SEC13: variants seen among roughly 807,000 people sequenced by gnomAD.
SEC13 encodes the protein SEC13 homolog, nuclear pore and COPII component.
Under a neutral mutation model 49.2 loss-of-function variants are expected in SEC13, and 25 were observed. The observed-to-expected ratio is 0.51, with a 90% CI of 0.37 to 0.71. The LOEUF is 0.71. Ranked by LOEUF, SEC13 falls within the 30% of genes least tolerant of loss-of-function variation. SEC13 has a pLI of 0.00. For missense variants in SEC13, 383 were observed against 417.6 expected, an observed-to-expected ratio of 0.92 and a Z score of 0.72; for synonymous variants, 148 against 163.9, an observed-to-expected ratio of 0.90 and a Z score of 0.74.
At chr3:10,307,212 CTT>C (rs35883236) in intron 5 of SEC13, among the ~76,000 whole-genome samples, 212 of 141,258 alleles carry the variant, frequency 1.5e-3, no homozygotes, top group Non-Finnish European at 1.4e-3. Context: ...GAGCCACTGC[CTT>C]TTTTTTTTTT....
intron 8 of SEC13, among the ~76,000 whole-genome samples, chr3:10,301,790 TTTTAACAGG>T (rs1458571378): frequency 1.3e-5 from 2 of 152,094 alleles, no homozygotes; most frequent in Admixed American, 1.3e-4. Flanking sequence ...TGGCAATCTG[TTTTAACAGG>T]TTTAACAACA....
chr3:10,306,191 T>C (rs1045196519), intron 5 of SEC13, among the ~76,000 whole-genome samples: 1 of 152,226 alleles, frequency 6.6e-6, no homozygotes, highest in Non-Finnish European at 1.5e-5. Context: ...ATTAAACATT[T>C]TTTTGGATGT....
chr3:10,318,376 G>A (rs947556273), intron 1 of SEC13, among the ~76,000 whole-genome samples: 23 of 151,922 alleles, frequency 1.5e-4, no homozygotes, highest in African/African-American at 5.3e-4. Context: ...TGAGGGGCTG[G>A]GGTGGTAGAC....
chr3:10,312,659 T>G lies in SEC13; in HGVS notation c.236A>C (p.Tyr79Ser). ...TCTCCAGATAATGACTTTCCGGTCA[T>G]AGGAGCACGATGCCAGGATGTTGCC... ...MYGNILASCSYDRKVIIWREE... is the reference protein window; with the variant it reads ...MYGNILASCSSDRKVIIWREE... The change falls in exon 4 of 9, where the codon TAT (tyrosine) becomes TCT (serine). Residue 79 changes from tyrosine to serine, a missense_variant. Transcript: ENST00000350697. The G allele has an allele frequency of 6.2e-7, 1 of 1,614,130 alleles. No homozygotes were observed. Among genetic ancestry groups the G allele is most frequent in the Non-Finnish European group, 8.5e-7 (1 of 1,180,028 alleles).
chr3:10,312,557 T>C (rs771257773), intron 4 of SEC13, 22 bp downstream of exon 4: 1 of 1,613,380 alleles, frequency 6.2e-7, no homozygotes, highest in Admixed American at 1.7e-5. Flanking sequence ...CCTTGCCCGC[T>C]CTGCTGCCAA....
At position 10,301,078 on chromosome 3, in the gene SEC13, A is replaced by G. The variant is rs1459788246; in HGVS notation, c.*183T>C. On this transcript the variant is annotated 3_prime_UTR_variant, in exon 9 of 9. Coordinates refer to ENST00000350697, the MANE Select transcript of SEC13 (RefSeq NM_183352.3). The stretch of plus-strand genomic sequence containing the variant: ...GTAACATGAGTGCTTTCAGCTGGAC[A>G]GTAGATTACAAAGCATCTCCGATCA... The G allele has an allele frequency of 2.5e-6, 4 of 1,611,662 alleles. No homozygotes were observed. The South Asian group carries it at 3.3e-5, about 13-fold the overall frequency.
chr3:10,311,942 C>G, intron 5 of SEC13, 23 bp downstream of exon 5: 1 of 1,613,976 alleles, frequency 6.2e-7, no homozygotes, highest in Non-Finnish European at 8.5e-7. Flanking sequence ...TCTCACTGCA[C>G]GAAAGGCAGG....
chr3:10,312,123 G>T, intron 4 of SEC13, 25 bp from the exon 5 acceptor site: 1 of 1,570,884 alleles, frequency 6.4e-7, no homozygotes, highest in South Asian at 1.2e-5. Flanking sequence ...AGAGTGCAGT[G>T]AGCAAAGCAG....
chr3:10,312,114 G>C lies in SEC13; in HGVS notation c.317-16C>G. On this transcript the variant is annotated splice_polypyrimidine_tract_variant and intron_variant, in intron 4 of 8. Transcript: ENST00000350697. Reference sequence around the variant, plus strand: ...ACCGAGTTCACTGCGGGAAGAGGGAGAGTGCAGTGAGCAAAGCAGGGAGAC... The same window carrying C: ...ACCGAGTTCACTGCGGGAAGAGGGACAGTGCAGTGAGCAAAGCAGGGAGAC... The C allele has an allele frequency of 6.3e-7, 1 of 1,579,664 alleles. No individual in the cohort carries two copies. Among genetic ancestry groups the C allele is most frequent in the Non-Finnish European group, 8.6e-7 (1 of 1,162,202 alleles).
At position 10,312,230 on chromosome 3, in the gene SEC13, T is replaced by C. The variant is rs150741824; in HGVS notation, c.317-132A>G. ...AGGAGTCACCGGGGGAAGCTGTAAC[T>C]TGGTCAACTGAGGACACAAAAAAAC... On this transcript the variant is annotated intron_variant, in intron 4 of 8. Transcript: ENST00000350697. 32 of 1,422,624 alleles carry C rather than the reference T, an allele frequency of 2.2e-5. No homozygotes were observed. The Admixed American group carries it at 8.9e-4, about 40-fold the overall frequency. The allele number at this position is 1,422,624 out of a possible 1,614,324, so 88.1% of individuals were successfully genotyped here.
chr3:10,315,572 C>T, intron 2 of SEC13, 136 bp from the exon 3 acceptor site: 1 of 627,076 alleles, frequency 1.6e-6, no homozygotes, highest in Non-Finnish European at 2.9e-6. Flanking sequence ...TCATCACCCT[C>T]AGGCAGGAAG....
intron 4 of SEC13, 125 bp from the exon 5 acceptor site, chr3:10,312,223 C>A: frequency 7.0e-7 from 1 of 1,433,808 alleles, no homozygotes; most frequent in Non-Finnish European, 9.1e-7. Flanking sequence ...CCGGGGGAAG[C>A]TGTAACTTGG....
chr3:10,307,822 GCCTCCCAAA>G (rs1427559959), intron 5 of SEC13, among the ~76,000 whole-genome samples: 4 of 152,198 alleles, frequency 2.6e-5, no homozygotes. Flanking sequence ...GCCTGCCTCA[GCCTCCCAAA>G]GTGCTGGGAT....
chr3:10,309,886 A>G (rs1032806291), intron 5 of SEC13, among the ~76,000 whole-genome samples: 1 of 152,160 alleles, frequency 6.6e-6, no homozygotes, highest in African/African-American at 2.4e-5. Flanking sequence ...AACGTGGGAG[A>G]TGGCTTTCAG....
rs376426229 is a variant in SEC13, at chr3:10,319,243, C to G, written c.4-1149G>C. On this transcript the variant is annotated intron_variant, in intron 1 of 8. Coordinates refer to ENST00000350697, the MANE Select transcript of SEC13 (RefSeq NM_183352.3). ...GGAAGAGGATGGCTGCAAAGCAGTT[C>G]AAGAGGTACACACCAAGTAAGCACA... 9.9e-6 allele frequency: 16 copies of G among 1,612,966 alleles called. No individual in the cohort carries two copies. In the East Asian group the frequency reaches 2.7e-4, roughly 27 times the overall value.
intron 5 of SEC13, among the ~76,000 whole-genome samples, chr3:10,310,450 C>T (rs1332617452): frequency 6.6e-6 from 1 of 152,178 alleles, no homozygotes; most frequent in Non-Finnish European, 1.5e-5. Flanking sequence ...GAGATCATGT[C>T]ACTGCACTCC....
At chr3:10,305,261 T>C in intron 6 of SEC13, 105 bp from the exon 7 acceptor site, 3 of 1,444,716 alleles carry the variant, frequency 2.1e-6, no homozygotes, top group Non-Finnish European at 2.8e-6. Flanking sequence ...ATTCCATCTT[T>C]CTTCTTTCAT....
At chr3:10,315,924 C>G (rs138982933) in intron 2 of SEC13, among the ~76,000 whole-genome samples, 1 of 152,342 alleles carries the variant, frequency 6.6e-6, no homozygotes, top group African/African-American at 2.4e-5. Context: ...TGATGCAGCT[C>G]TGGCCTGCAC....
At chr3:10,301,686 A>G (rs1273165406) in intron 8 of SEC13, among the ~76,000 whole-genome samples, 1 of 152,244 alleles carries the variant, frequency 6.6e-6, no homozygotes, top group African/African-American at 2.4e-5. Context: ...TGTGGTCCCC[A>G]GACCAGAGCA....
Sources: gnomAD v4.1 joint callset for allele counts (sites outside exome capture counted in the v4.1 genomes callset) on GRCh38, gnomAD v4.1.1 for gene constraint, MANE v1.5 for transcripts, NCBI Gene and HGNC (gene_info 2026-07-23, HGNC 2026-07-21) for gene names.